The following POLK variants were observed in gnomAD, a reference collection of about 807,000 sequenced individuals.
The protein encoded by POLK is DNA polymerase kappa.
In POLK, 76 loss-of-function variants were observed where a neutral mutation model predicts 94.0. The observed-to-expected ratio is 0.81, with a 90% CI of 0.67 to 0.98. The LOEUF (loss-of-function observed/expected upper bound fraction) is 0.98. Ranked by LOEUF, POLK falls within the 50% of genes least tolerant of loss-of-function variation. The probability of loss-of-function intolerance (pLI) is 0.00; values close to 1 mark genes in which losing one functional copy is unlikely to be tolerated. For synonymous variants in POLK, 349 were observed against 325.4 expected (o/e 1.07, Z -0.78); for missense variants, 954 against 1,010.1 (o/e 0.94, Z 0.75).
At chr5:75,538,372 TTAAACCACATATTAAGCTAACA>T (rs1253426923) in intron 1 of POLK, among the ~76,000 whole-genome samples, 1 of 152,236 alleles carries the variant, frequency 6.6e-6, no homozygotes, top group Admixed American at 6.5e-5. Flanking sequence ...TTAAGCTAAC[TTAAACCACATATTAAGCTAACA>T]TAAACCACAT....
chr5:75,515,623 A>T (rs2112516823), intron 1 of POLK, among the ~76,000 whole-genome samples: 1 of 152,292 alleles, frequency 6.6e-6, no homozygotes, highest in Non-Finnish European at 1.5e-5. Context: ...ATATATACGT[A>T]GTAGTAGAAT....
intron 4 of POLK, among the ~76,000 whole-genome samples, chr5:75,569,778 A>G (rs1771491522): frequency 6.6e-6 from 1 of 152,122 alleles, no homozygotes; most frequent in Non-Finnish European, 1.5e-5. Flanking sequence ...ATTTACAACC[A>G]CTTCCCATCA....
rs879003527 is a variant in POLK, at chr5:75,593,842, C to T, written c.1357-36C>T. The T allele has an allele frequency of 2.3e-6, 3 of 1,291,010 alleles. No homozygotes were observed. The South Asian group carries it at 4.2e-5, about 18-fold the overall frequency. 80.0% of individuals were successfully genotyped at this position (1,291,010 alleles called of 1,614,324 possible). Reference sequence around the variant, plus strand: ...TGGACAACAGAGAGAGACCCTGTCTCATAAATAAATAAATAACATATTGTA... The same window carrying T: ...TGGACAACAGAGAGAGACCCTGTCTTATAAATAAATAAATAACATATTGTA... On this transcript the variant is annotated intron_variant, in intron 11 of 14. Coordinates refer to ENST00000241436, the Ensembl canonical transcript of POLK.
chr5:75,591,594 T>A (rs1293729818), intron 11 of POLK, among the ~76,000 whole-genome samples: 1 of 152,170 alleles, frequency 6.6e-6, no homozygotes, highest in Non-Finnish European at 1.5e-5. Flanking sequence ...CCCCAGACTT[T>A]ATTTGGAGTT....
At position 75,583,422 on chromosome 5, in the gene POLK, G is replaced by T. The variant is rs1164177067; in HGVS notation, c.1059+5G>T. ...AAGGATTTACCCATTAGAAAGGTAA[G>T]ATTTTTACATAAAGTTTATTTATAT... On this transcript the variant is annotated splice_donor_5th_base_variant and intron_variant, in intron 8 of 14. Transcript: ENST00000241436. 11 of 1,576,820 alleles carry T rather than the reference G, an allele frequency of 7.0e-6. No individual in the cohort carries two copies. The South Asian group carries it at 9.1e-5, about 13-fold the overall frequency.
intron 1 of POLK, among the ~76,000 whole-genome samples, chr5:75,518,765 T>C (rs1040063094): frequency 2.6e-5 from 4 of 152,242 alleles, no homozygotes; most frequent in Admixed American, 1.3e-4. Flanking sequence ...TAAACTTCTC[T>C]CTTGGTACTG....
exon 15 of POLK, chr5:75,600,556 G>T (rs2112913831): frequency 6.6e-6 from 1 of 152,242 alleles, no homozygotes; most frequent in East Asian, 1.9e-4. Context: ...GCATGTACAA[G>T]AAAGTTCTTC....
chr5:75,605,705 C>T (rs1344709092), downstream of POLK, among the ~76,000 whole-genome samples: 1 of 152,080 alleles, frequency 6.6e-6, no homozygotes, highest in Non-Finnish European at 1.5e-5. Context: ...TCTTTATAAA[C>T]CACTAAGAAA....
upstream of POLK, chr5:75,511,124 C>A (rs150201400): frequency 5.5e-4 from 876 of 1,591,032 alleles, 2 homozygotes; most frequent in Admixed American, 8.7e-4. Context: ...TACTGAGGAC[C>A]CCGCAGCGCT....
downstream of POLK, among the ~76,000 whole-genome samples, chr5:75,601,982 C>T (rs538693830): frequency 1.1e-4 from 17 of 152,314 alleles, no homozygotes; most frequent in African/African-American, 3.8e-4. Flanking sequence ...ATTCTTCTCT[C>T]CAACCCTAAG....
At chr5:75,543,826 G>C (rs1257212001) in intron 1 of POLK, among the ~76,000 whole-genome samples, 1 of 151,916 alleles carries the variant, frequency 6.6e-6, no homozygotes, top group Non-Finnish European at 1.5e-5. Flanking sequence ...AGAGTTTTTT[G>C]TTTGTTTGTT....
chr5:75,511,442 AGCC>A (rs769638455), upstream of POLK: 23 of 1,535,220 alleles, frequency 1.5e-5, no homozygotes, highest in Admixed American at 4.0e-5. Flanking sequence ...TCCAGCCGTC[AGCC>A]GCCGCCGCCG....
chr5:75,602,784 T>C (rs1773323767), downstream of POLK, among the ~76,000 whole-genome samples: 1 of 152,244 alleles, frequency 6.6e-6, no homozygotes, highest in Admixed American at 6.5e-5. Context: ...TTAATATCAG[T>C]CTTTACATTG....
At chr5:75,600,121 T>C (rs1258841742) in exon 15 of POLK, 1 of 152,144 alleles carries the variant, frequency 6.6e-6, no homozygotes, top group East Asian at 1.9e-4. Context: ...AATATATAAA[T>C]GATCCCTATG....
chr5:75,559,100 T>C (rs987921953), intron 3 of POLK, among the ~76,000 whole-genome samples: 2 of 152,194 alleles, frequency 1.3e-5, no homozygotes. Context: ...CCAAAAGAAT[T>C]TGTATAAATG....
chr5:75,578,611 T>C (rs1391202728), intron 6 of POLK, among the ~76,000 whole-genome samples: 1 of 152,224 alleles, frequency 6.6e-6, no homozygotes, highest in African/African-American at 2.4e-5. Context: ...TTTCTTCTCA[T>C]GTGTAAATAC....
chr5:75,566,507 G>A (rs1335974938), intron 3 of POLK, among the ~76,000 whole-genome samples: 1 of 152,210 alleles, frequency 6.6e-6, no homozygotes, highest in Non-Finnish European at 1.5e-5. Flanking sequence ...GGCACCCCGT[G>A]AAATCTCCTG....
intron 1 of POLK, among the ~76,000 whole-genome samples, chr5:75,529,964 A>T (rs1024851345): frequency 1.3e-5 from 2 of 152,184 alleles, no homozygotes; most frequent in Admixed American, 1.3e-4. Context: ...TCAAATTCAC[A>T]TGAAATGGCT....
the POLK span, among the ~76,000 whole-genome samples, chr5:75,608,286 G>GTA: frequency 2.6e-5 from 4 of 151,550 alleles, no homozygotes; most frequent in African/African-American, 9.7e-5. Context: ...CTTGACCTCC[G>GTA]TGGCTCAGGC....
Sources: allele counts gnomAD v4.1 joint callset (sites outside exome capture counted in the v4.1 genomes callset), GRCh38; gene constraint gnomAD v4.1.1; transcripts MANE v1.5; gene names NCBI Gene and HGNC (gene_info 2026-07-23, HGNC 2026-07-21).